HS6ST3: variants seen among roughly 807,000 people sequenced by gnomAD.
The protein encoded by HS6ST3 is heparan sulfate 6-O-sulfotransferase 3, also known as heparan-sulfate 6-O-sulfotransferase 3.
In HS6ST3, 12 loss-of-function variants were observed where a neutral mutation model predicts 36.7. That is an observed-to-expected ratio of 0.33 (90% CI 0.21 to 0.53). The LOEUF (loss-of-function observed/expected upper bound fraction) is 0.53, where lower values mean the gene tolerates loss of function less well. HS6ST3 is among the 20% of genes least tolerant of loss of function. The pLI, the probability that HS6ST3 is intolerant of heterozygous loss-of-function variation, is 0.95. For synonymous variants in HS6ST3, 240 were observed against 257.5 expected (o/e 0.93, Z 0.65); for missense variants, 584 against 640.9 (o/e 0.91, Z 0.96).
chr13:96,188,299 A>G (rs991776067), intron 1 of HS6ST3, among the ~76,000 whole-genome samples: 1 of 152,164 alleles, frequency 6.6e-6, no homozygotes, highest in African/African-American at 2.4e-5. Context: ...CTTAATTTTA[A>G]TTTATATGTA....
chr13:96,737,631 CAAAAAAAAAA>C (rs5805990), intron 1 of HS6ST3, among the ~76,000 whole-genome samples: 3 of 65,758 alleles, frequency 4.6e-5, no homozygotes, highest in African/African-American at 1.6e-4. Context: ...GACTCCGTCT[CAAAAAAAAAA>C]AAAAAAAAAA....
At chr13:96,126,181 C>G (rs1288291629) in intron 1 of HS6ST3, among the ~76,000 whole-genome samples, 1 of 152,150 alleles carries the variant, frequency 6.6e-6, no homozygotes, top group Non-Finnish European at 1.5e-5. Flanking sequence ...TCTCCTTTTC[C>G]ACATCTGCTA....
At chr13:96,316,601 C>T (rs1013005105) in intron 1 of HS6ST3, among the ~76,000 whole-genome samples, 1 of 152,148 alleles carries the variant, frequency 6.6e-6, no homozygotes, top group African/African-American at 2.4e-5. Context: ...CATTTGGCCT[C>T]GTCTCCCCTA....
At chr13:96,733,823 C>T (rs1028475635) in intron 1 of HS6ST3, among the ~76,000 whole-genome samples, 1 of 152,110 alleles carries the variant, frequency 6.6e-6, no homozygotes, top group Non-Finnish European at 1.5e-5. Context: ...TAAGAGAGAC[C>T]TTTGATTGGC....
intron 1 of HS6ST3, among the ~76,000 whole-genome samples, chr13:96,333,850 T>A (rs2055085570): frequency 6.6e-6 from 1 of 152,042 alleles, no homozygotes; most frequent in South Asian, 2.1e-4. Flanking sequence ...TACAGTGAGT[T>A]GCATCAAGGG....
intron 1 of HS6ST3, among the ~76,000 whole-genome samples, chr13:96,825,681 T>C (rs756017271): frequency 3.3e-5 from 5 of 152,228 alleles, no homozygotes; most frequent in Non-Finnish European, 7.3e-5. Flanking sequence ...ATTTCAGCAA[T>C]TCACAATCAC....
At chr13:96,599,923 C>T (rs1179956764) in intron 1 of HS6ST3, among the ~76,000 whole-genome samples, 1 of 151,992 alleles carries the variant, frequency 6.6e-6, no homozygotes, top group Non-Finnish European at 1.5e-5. Context: ...CTTTAATTTC[C>T]ATGTATTTGT....
chr13:96,414,780 C>G (rs974305547), intron 1 of HS6ST3, among the ~76,000 whole-genome samples: 1 of 152,178 alleles, frequency 6.6e-6, no homozygotes, highest in East Asian at 1.9e-4. Context: ...CCACTACCAG[C>G]CTTGATTCAT....
At position 96,307,194 on chromosome 13, in the gene HS6ST3, A is replaced by G. The variant is rs780709091; in HGVS notation, c.707+215625A>G. Among the ~76,000 whole-genome samples the G allele has an allele frequency of 4.6e-5, 7 of 152,208 alleles. 1 individual carries two copies. Among genetic ancestry groups the G allele is most frequent in the South Asian group, 4.1e-4 (2 of 4,832 alleles). On this transcript the variant is annotated intron_variant, in intron 1 of 1. Transcript: ENST00000376705. ...GGATTTTAAGATGATTCAGTGAAAG[A>G]AAGTGTGCTCTCTAATATCATGTCT...
chr13:96,207,398 A>T (rs1441564926), intron 1 of HS6ST3, among the ~76,000 whole-genome samples: 1 of 152,054 alleles, frequency 6.6e-6, no homozygotes, highest in Non-Finnish European at 1.5e-5. Flanking sequence ...AAATTAGTTC[A>T]ACCATTGTGG....
intron 1 of HS6ST3, among the ~76,000 whole-genome samples, chr13:96,319,153 C>T (rs1017110658): frequency 1.3e-5 from 2 of 152,226 alleles, no homozygotes; most frequent in African/African-American, 4.8e-5. Context: ...AATCACCAGT[C>T]TACTTTCTGT....
At chr13:96,771,908 G>T (rs1877276226) in intron 1 of HS6ST3, among the ~76,000 whole-genome samples, 1 of 152,230 alleles carries the variant, frequency 6.6e-6, no homozygotes, top group South Asian at 2.1e-4. Context: ...AGGATGAGCA[G>T]GGATGATGAA....
intron 1 of HS6ST3, among the ~76,000 whole-genome samples, chr13:96,669,969 A>G (rs2056677640): frequency 6.6e-6 from 1 of 152,128 alleles, no homozygotes; most frequent in Non-Finnish European, 1.5e-5. Context: ...AAATTTGAGG[A>G]CCACCAGTTT....
chr13:96,704,741 C>A (rs901234890), intron 1 of HS6ST3, among the ~76,000 whole-genome samples: 1 of 151,986 alleles, frequency 6.6e-6, no homozygotes, highest in African/African-American at 2.4e-5. Context: ...GAGACTGACT[C>A]AGAGGACTGC....
chr13:96,515,701 C>G (rs1306915701), intron 1 of HS6ST3, among the ~76,000 whole-genome samples: 3 of 152,156 alleles, frequency 2.0e-5, no homozygotes, highest in African/African-American at 7.2e-5. Context: ...CTTCCATGCT[C>G]TCTCTCACCT....
At chr13:96,333,169 T>G (rs1431307434) in intron 1 of HS6ST3, among the ~76,000 whole-genome samples, 1 of 152,234 alleles carries the variant, frequency 6.6e-6, no homozygotes, top group East Asian at 1.9e-4. Context: ...CCACATCTAC[T>G]TAAAAAAGGA....
At chr13:96,336,735 A>G (rs2055103197) in intron 1 of HS6ST3, among the ~76,000 whole-genome samples, 1 of 152,232 alleles carries the variant, frequency 6.6e-6, no homozygotes, top group Non-Finnish European at 1.5e-5. Context: ...TTATTACGGT[A>G]GCCCTAGCAG....
chr13:96,559,972 A>G (rs960585385), intron 1 of HS6ST3, among the ~76,000 whole-genome samples: 7 of 152,136 alleles, frequency 4.6e-5, no homozygotes, highest in African/African-American at 1.7e-4. Flanking sequence ...CTATATTTTT[A>G]ATTATTGTCA....
intron 1 of HS6ST3, among the ~76,000 whole-genome samples, chr13:96,301,787 T>G (rs2054883590): frequency 6.6e-6 from 1 of 151,028 alleles, no homozygotes; most frequent in Non-Finnish European, 1.5e-5. Context: ...GTGGGTGCCT[T>G]TAATCCCAGC....
Sources: gnomAD v4.1 joint callset for allele counts (sites outside exome capture counted in the v4.1 genomes callset) on GRCh38, gnomAD v4.1.1 for gene constraint, MANE v1.5 for transcripts, NCBI Gene and HGNC (gene_info 2026-07-23, HGNC 2026-07-21) for gene names.